Variants in HIF3A observed in about 807,000 individuals in gnomAD.
HIF3A encodes hypoxia inducible factor 3 subunit alpha.
In HIF3A, 41 loss-of-function variants were observed where a neutral mutation model predicts 67.2. The observed-to-expected ratio is 0.61, with a 90% CI of 0.48 to 0.79. The LOEUF (loss-of-function observed/expected upper bound fraction) is 0.79. Ranked by LOEUF, HIF3A falls within the 30% of genes least tolerant of loss-of-function variation. HIF3A has a pLI of 0.00. For missense variants in HIF3A, 855 were observed against 898.0 expected (o/e 0.95, Z 0.61); for synonymous variants, 356 against 374.8 (o/e 0.95, Z 0.58).
intron 9 of HIF3A, among the ~76,000 whole-genome samples, chr19:46,321,520 G>A (rs1284702384): frequency 6.6e-6 from 1 of 152,154 alleles, no homozygotes; most frequent in Non-Finnish European, 1.5e-5. Context: ...GGAGGCAGAG[G>A]CTGCAGTGAA....
rs771554483 is a variant in HIF3A at position 46,329,204 on chromosome 19, C to G, written c.1441-3C>G. ...CCTCTTACCTCCCTCCTGCCCTCCGCAGGATGCTGATGCTCTGGATTTGGA... is the reference window on the plus strand; with the variant it reads ...CCTCTTACCTCCCTCCTGCCCTCCGGAGGATGCTGATGCTCTGGATTTGGA... On this transcript the variant is annotated splice_polypyrimidine_tract_variant and splice_region_variant and intron_variant, in intron 11 of 14. Transcript: ENST00000377670. 1 of 1,597,356 alleles carries G rather than the reference C, an allele frequency of 6.3e-7. No homozygotes were observed. The highest frequency in any genetic ancestry group is 8.5e-7 in the Non-Finnish European group (1 of 1,169,984).
At chr19:46,301,792 A>T (rs1968357111) in intron 1 of HIF3A, among the ~76,000 whole-genome samples, 1 of 151,414 alleles carries the variant, frequency 6.6e-6, no homozygotes, top group Non-Finnish European at 1.5e-5. Flanking sequence ...ATTATACTCC[A>T]GCCTGGCTGA....
rs1266205354 is a variant in HIF3A, at chr19:46,342,691, T to C, written c.*3069T>C. ...TGGAATCTAGACTTTTCCCTAAAGA[T>C]TCCTCTGGTTCTGAATCTTATAACC... is the stretch of plus-strand genomic sequence containing the variant. On this transcript the variant is annotated 3_prime_UTR_variant, in exon 15 of 15. Coordinates refer to ENST00000377670, the MANE Select transcript of HIF3A (RefSeq NM_152795.4). 2 of 152,224 alleles carry C rather than the reference T, an allele frequency of 1.3e-5. No homozygotes were observed. Among genetic ancestry groups the C allele is most frequent in the Non-Finnish European group, 2.9e-5 (2 of 68,036 alleles). 9.4% of individuals were successfully genotyped at this position (152,224 alleles called of 1,614,324 possible). A position where few individuals can be genotyped will look rare whatever the true frequency, so the allele number is the denominator to read the frequency against.
intron 14 of HIF3A, among the ~76,000 whole-genome samples, chr19:46,336,436 A>G (rs1264206639): frequency 6.6e-6 from 1 of 151,720 alleles, no homozygotes; most frequent in Non-Finnish European, 1.5e-5. Context: ...GTGCACTGTC[A>G]GCTCACTGCA....
At position 46,320,475 on chromosome 19, in the gene HIF3A, T is replaced by C; in HGVS notation, c.1058T>C (p.Leu353Pro). ...QVEETGVVLS[L>P]EQTEQHSRRP... The stretch of plus-strand genomic sequence containing the variant: ...GAAGAGACCGGAGTGGTGCTGTCCC[T>C]GGAGCAAACGGAGCAACACTCTCGC... Residue 353 changes from leucine to proline, a missense_variant, in exon 9 of 15, where the codon CTG becomes CCG. This residue lies in a region of HIF3A where 638 missense variants were observed against 660.5 expected (regional missense o/e 0.97). Transcript: ENST00000377670. 6.2e-7 allele frequency: 1 copy of C among 1,614,120 alleles called. No homozygotes were observed. The highest frequency in any genetic ancestry group is 8.5e-7 in the Non-Finnish European group (1 of 1,180,002).
intron 13 of HIF3A, 94 bp from the exon 14 acceptor site, chr19:46,334,811 C>A (rs922143217): frequency 1.0e-6 from 1 of 994,986 alleles, no homozygotes; most frequent in Non-Finnish European, 1.5e-6. Flanking sequence ...TGGCCTCAGC[C>A]CCCGAAAGTG....
rs1406326927 is a variant in HIF3A, at chr19:46,320,576, TG to T, written c.1144+19del. On this transcript the variant is annotated intron_variant, in intron 9 of 14. Transcript: ENST00000377670. ...GGACAGCCTTGGTATGGGGCAGGGC[TG>T]GGGCCGGGAGGGGTTGTGTCCCCAG... 1 of 1,599,324 alleles carries T rather than the reference TG, an allele frequency of 6.3e-7. No homozygotes were observed. Among genetic ancestry groups the T allele is most frequent in the African/African-American group, 1.3e-5 (1 of 74,614 alleles).
At position 46,341,236 on chromosome 19, in the gene HIF3A, G is replaced by A. The variant is rs1447216178; in HGVS notation, c.*1614G>A. The A allele has an allele frequency of 7.3e-6, 1 of 137,508 alleles. No homozygotes were observed. Among genetic ancestry groups the A allele is most frequent in the Non-Finnish European group, 1.5e-5 (1 of 65,578 alleles). 8.5% of individuals were successfully genotyped at this position (137,508 alleles called of 1,614,324 possible). On this transcript the variant is annotated 3_prime_UTR_variant, in exon 15 of 15. Coordinates refer to ENST00000377670, the MANE Select transcript of HIF3A (RefSeq NM_152795.4). The stretch of plus-strand genomic sequence containing the variant: ...TTTTTTTGAGACAGAGTCCCACTCT[G>A]TCACCCAGGCTGGAGTACAGTGGCT...
Position 46,340,998 on chromosome 19 carries a change from C to T in HIF3A, c.*1376C>T, listed in dbSNP as rs1471265420. 1 of 152,130 alleles carries T rather than the reference C, an allele frequency of 6.6e-6. No homozygotes were observed. Among genetic ancestry groups the T allele is most frequent in the Non-Finnish European group, 1.5e-5 (1 of 68,052 alleles). 9.4% of individuals were successfully genotyped at this position (152,130 alleles called of 1,614,324 possible). A position where few individuals can be genotyped will look rare whatever the true frequency, so the allele number is the denominator to read the frequency against. ...TTCTTTTGGTTCTAGAATTCACTAA[C>T]TTCCTCTGGTTCTAGACCTCTTCCT... On this transcript the variant is annotated 3_prime_UTR_variant, in exon 15 of 15. Transcript: ENST00000377670.
intron 9 of HIF3A, 96 bp downstream of exon 9, chr19:46,320,657 C>T: frequency 1.3e-6 from 1 of 798,788 alleles, no homozygotes; most frequent in African/African-American, 1.7e-5. Flanking sequence ...CCCTGTGGGA[C>T]CTGCCTCCTG....
rs146946891 is a variant in HIF3A, at chr19:46,333,352, T to C, written c.1831-1553T>C. Among the ~76,000 whole-genome samples, 10 of 151,734 alleles carry C rather than the reference T, an allele frequency of 6.6e-5. No homozygotes were observed. In the East Asian group the frequency reaches 1.7e-3, roughly 27 times the overall value. ...TGGTGCAGTACCTTGGGGCACAGCA[T>C]GGGAAGTGGGCATCAGCCCTGGCCT... On this transcript the variant is annotated intron_variant, in intron 13 of 14. Transcript: ENST00000377670.
In HIF3A at chr19:46,329,408, C is replaced by T. The variant is rs58016109; in HGVS notation, c.1642C>T (p.Arg548Trp). 1.9e-4 allele frequency: 301 copies of T among 1,603,854 alleles called. 1 individual carries two copies. In the African/African-American group the frequency reaches 2.4e-3, roughly 13 times the overall value. ...GCTACCCCGCTGGGGGAGTGACCCC[C>T]GGCTGAGCTGCTCCAGCCCTTCCAG... The part of the protein sequence containing the change: ...SLLPRWGSDP[R>W]LSCSSPSRGD... The change falls in exon 12 of 15, where the codon CGG becomes TGG. Residue 548 changes from arginine to tryptophan, a missense_variant. Transcript: ENST00000377670.
chr19:46,332,586 A>C (rs951485292), intron 13 of HIF3A, among the ~76,000 whole-genome samples: 5 of 152,204 alleles, frequency 3.3e-5, no homozygotes, highest in African/African-American at 1.2e-4. Context: ...TCACTTCTGC[A>C]AGGCCTCCCT....
intron 14 of HIF3A, among the ~76,000 whole-genome samples, chr19:46,335,600 G>T (rs1407495067): frequency 6.6e-6 from 1 of 152,046 alleles, no homozygotes; most frequent in African/African-American, 2.4e-5. Flanking sequence ...GCTGGGCATG[G>T]TGGTGCATGC....
rs1185604917 is a variant in HIF3A, at chr19:46,316,430, T to C, written c.1025+3777T>C. 2.0e-5 allele frequency among the ~76,000 whole-genome samples: 3 copies of C among 151,874 alleles called. No homozygotes were observed. The South Asian group carries it at 6.2e-4, about 32-fold the overall frequency. ...GAAAATCACGATGGGGCTTTTTTTT[T>C]CCATCATGTGTCATAGAAGCTTTTC... On this transcript the variant is annotated intron_variant, in intron 8 of 14. Coordinates refer to ENST00000377670, the MANE Select transcript of HIF3A (RefSeq NM_152795.4).
At chr19:46,318,981 G>A (rs1354166721) in intron 8 of HIF3A, among the ~76,000 whole-genome samples, 2 of 152,128 alleles carry the variant, frequency 1.3e-5, no homozygotes, top group Non-Finnish European at 2.9e-5. Context: ...AAGTAGCGGA[G>A]CTGGGATTTG....
intron 1 of HIF3A, chr19:46,303,555 C>T (rs1363226138): frequency 2.0e-5 from 29 of 1,452,204 alleles, no homozygotes; most frequent in Non-Finnish European, 2.7e-5. Flanking sequence ...CCAGCAGGGG[C>T]CCTCCCTGTC....
chr19:46,320,656 A>C (rs1601302468), intron 9 of HIF3A, 95 bp downstream of exon 9: 1 of 866,666 alleles, frequency 1.2e-6, no homozygotes. Flanking sequence ...GCCCTGTGGG[A>C]CCTGCCTCCT....
At chr19:46,305,466 T>C in intron 3 of HIF3A, 76 bp downstream of exon 3, 1 of 1,392,522 alleles carries the variant, frequency 7.2e-7, no homozygotes, top group Non-Finnish European at 1.0e-6. Flanking sequence ...AGGACAGCCA[T>C]AGCCCTACCT....
Sources: gnomAD v4.1 joint callset for allele counts (sites outside exome capture counted in the v4.1 genomes callset) on GRCh38, gnomAD v4.1.1 for gene constraint, gnomAD v4.1.1 regional missense constraint, MANE v1.5 for transcripts, NCBI Gene and HGNC (gene_info 2026-07-23, HGNC 2026-07-21) for gene names.